Variants in DLG2 observed in about 807,000 individuals in gnomAD.
DLG2 encodes disks large homolog 2.
DLG2 carries 45 observed loss-of-function variants against 132.5 expected under a neutral mutation model. The ratio of observed to expected loss-of-function variants is 0.34; its 90% CI spans 0.27 to 0.44. The LOEUF (loss-of-function observed/expected upper bound fraction) is 0.44. Among genes scored for constraint, DLG2 ranks in the 20% least tolerant of loss-of-function variants. The probability of loss-of-function intolerance (pLI) is 1.00; values close to 1 mark genes in which losing one functional copy is unlikely to be tolerated. For missense variants in DLG2, 1,045 were observed against 1,196.9 expected (o/e 0.87, Z 1.87); for synonymous variants, 424 against 419.6 (o/e 1.01, Z -0.13).
intron 6 of DLG2, among the ~76,000 whole-genome samples, chr11:84,590,567 AGG>A (rs1206409361): frequency 1.2e-4 from 19 of 152,180 alleles, no homozygotes; most frequent in Non-Finnish European, 2.5e-4. Context: ...TCTATCTTCT[AGG>A]GGTGAGAGAT....
chr11:84,798,327 A>T (rs1167015783), intron 6 of DLG2, among the ~76,000 whole-genome samples: 1 of 152,070 alleles, frequency 6.6e-6, no homozygotes, highest in Non-Finnish European at 1.5e-5. Flanking sequence ...GAAGTAAAAA[A>T]AACCATCAAA....
At chr11:84,336,080 G>A (rs899714666) in intron 7 of DLG2, among the ~76,000 whole-genome samples, 1 of 152,232 alleles carries the variant, frequency 6.6e-6, no homozygotes, top group Admixed American at 6.5e-5. Flanking sequence ...TTCTGATTGT[G>A]AAATTTTGAT....
At chr11:84,202,451 T>G (rs1046074240) in intron 8 of DLG2, among the ~76,000 whole-genome samples, 1 of 152,114 alleles carries the variant, frequency 6.6e-6, no homozygotes, top group Non-Finnish European at 1.5e-5. Context: ...TCCTTAAACC[T>G]TATACAAAAA....
intron 7 of DLG2, among the ~76,000 whole-genome samples, chr11:84,273,570 G>T (rs1488036592): frequency 6.6e-6 from 1 of 152,070 alleles, no homozygotes; most frequent in African/African-American, 2.4e-5. Flanking sequence ...AAGCGTGTAG[G>T]GGGAAAGAAG....
At chr11:85,243,533 C>T (rs183563564) in intron 4 of DLG2, among the ~76,000 whole-genome samples, 1 of 151,956 alleles carries the variant, frequency 6.6e-6, no homozygotes, top group Non-Finnish European at 1.5e-5. Context: ...AGCTTATTTA[C>T]CAGCTGTGTT....
intron 3 of DLG2, among the ~76,000 whole-genome samples, chr11:85,320,846 A>G (rs1439416962): frequency 6.6e-6 from 1 of 151,802 alleles, no homozygotes; most frequent in Non-Finnish European, 1.5e-5. Context: ...ATGAAGGTGA[A>G]TCATGACAGA....
rs78744485 is a variant in DLG2 at position 85,260,173 on chromosome 11, C to A, written c.186+25047G>T. 2.5e-3 allele frequency among the ~76,000 whole-genome samples: 378 copies of A among 152,242 alleles called. 3 individuals are homozygous for A. The highest frequency in any genetic ancestry group is 8.7e-3 in the African/African-American group (361 of 41,552). On this transcript the variant is annotated intron_variant, in intron 4 of 27. Coordinates refer to ENST00000376104, the MANE Select transcript of DLG2 (RefSeq NM_001142699.3). Reference sequence around the variant, plus strand: ...TAAAGATAAAATCCACCTCATGGAGCATTGTGAGGATTAAATGAGAGAATT... The same window carrying A: ...TAAAGATAAAATCCACCTCATGGAGAATTGTGAGGATTAAATGAGAGAATT...
intron 11 of DLG2, among the ~76,000 whole-genome samples, chr11:84,014,524 C>T (rs565191144): frequency 6.6e-6 from 1 of 152,242 alleles, no homozygotes; most frequent in East Asian, 1.9e-4. Context: ...GTCAACTAGT[C>T]TTGTTCCTAT....
At chr11:83,891,572 C>G (rs527917057) in intron 15 of DLG2, among the ~76,000 whole-genome samples, 1 of 152,098 alleles carries the variant, frequency 6.6e-6, no homozygotes, top group African/African-American at 2.4e-5. Context: ...TAGAGACAGT[C>G]AAGGATATGT....
chr11:83,913,238 G>A (rs529682077), intron 15 of DLG2, among the ~76,000 whole-genome samples: 207 of 152,206 alleles, frequency 1.4e-3, no homozygotes, highest in Non-Finnish European at 2.4e-3. Context: ...TAGATTGGGA[G>A]TCTCTTCAGG....
chr11:83,620,230 A>G (rs913807587), intron 19 of DLG2, among the ~76,000 whole-genome samples: 3 of 149,730 alleles, frequency 2.0e-5, no homozygotes, highest in African/African-American at 7.4e-5. Context: ...ATAAAATACA[A>G]TGAAAGATAC....
intron 6 of DLG2, among the ~76,000 whole-genome samples, chr11:84,927,192 A>T (rs925818541): frequency 6.6e-6 from 1 of 152,060 alleles, no homozygotes; most frequent in Non-Finnish European, 1.5e-5. Context: ...CAAATACAAT[A>T]ACAGCAACAC....
chr11:84,872,660 C>T (rs1211000178), intron 6 of DLG2, among the ~76,000 whole-genome samples: 1 of 152,176 alleles, frequency 6.6e-6, no homozygotes, highest in Non-Finnish European at 1.5e-5. Context: ...ATCTTTGTTG[C>T]TTTTTAGTCA....
chr11:83,721,776 A>G (rs1593093982), intron 18 of DLG2, among the ~76,000 whole-genome samples: 2 of 152,372 alleles, frequency 1.3e-5, no homozygotes, highest in East Asian at 3.9e-4. Context: ...CCACATATGC[A>G]GCCAGAGGAA....
intron 6 of DLG2, among the ~76,000 whole-genome samples, chr11:84,635,624 T>C (rs573175276): frequency 2.6e-5 from 4 of 152,270 alleles, no homozygotes; most frequent in Non-Finnish European, 5.9e-5. Flanking sequence ...ACCTTAACTA[T>C]GAAGATAGTA....
chr11:83,572,126 T>C (rs1171698669), intron 19 of DLG2, among the ~76,000 whole-genome samples: 1 of 152,096 alleles, frequency 6.6e-6, no homozygotes, highest in Non-Finnish European at 1.5e-5. Flanking sequence ...TAATTTTATA[T>C]AGTAAACATT....
intron 9 of DLG2, among the ~76,000 whole-genome samples, chr11:84,146,689 A>G (rs2095096811): frequency 6.6e-6 from 1 of 152,176 alleles, no homozygotes; most frequent in Admixed American, 6.6e-5. Context: ...GCTAAAGTAC[A>G]ACTTCAAGAT....
intron 6 of DLG2, among the ~76,000 whole-genome samples, chr11:84,812,080 G>T (rs2076618303): frequency 6.6e-6 from 1 of 152,066 alleles, no homozygotes; most frequent in Non-Finnish European, 1.5e-5. Flanking sequence ...ATAGATAAAA[G>T]CGTTTCAGAC....
At chr11:83,664,892 G>A (rs916793464) in intron 18 of DLG2, among the ~76,000 whole-genome samples, 5 of 152,140 alleles carry the variant, frequency 3.3e-5, no homozygotes, top group African/African-American at 1.2e-4. Flanking sequence ...GACACTATGA[G>A]TTTTTTCATT....
Sources: gnomAD v4.1 joint callset for allele counts (sites outside exome capture counted in the v4.1 genomes callset) on GRCh38, gnomAD v4.1.1 for gene constraint, MANE v1.5 for transcripts, NCBI Gene and HGNC (gene_info 2026-07-23, HGNC 2026-07-21) for gene names.